Variants in PCDHGA1 observed in about 807,000 individuals in gnomAD.
PCDHGA1 encodes protocadherin gamma-A1.
In PCDHGA1, 32 loss-of-function variants were observed where a neutral mutation model predicts 58.0. The ratio of observed to expected loss-of-function variants is 0.55; its 90% confidence interval spans 0.42 to 0.74. The LOEUF (loss-of-function observed/expected upper bound fraction) is 0.74, where lower values mean the gene tolerates loss of function less well. PCDHGA1 is among the 30% of genes least tolerant of loss of function. The probability of loss-of-function intolerance (pLI) is 0.00; values close to 1 mark genes in which losing one functional copy is unlikely to be tolerated. For missense variants in PCDHGA1, 1,205 were observed against 1,182.3 expected (o/e 1.02, Z -0.28); for synonymous variants, 498 against 501.1 (o/e 0.99, Z 0.08).
rs368940925 is a variant in PCDHGA1, at chr5:141,360,407, A to G, written c.2421+27302A>G. On this transcript the variant is annotated intron_variant, in intron 1 of 3. Transcript: ENST00000517417. ...GACTTACTTGTGAGTGACAGAATAG[A>G]CCGAGAACAGATATGCGGGAAGCAG... is the stretch of plus-strand genomic sequence containing the variant. 1.3e-4 allele frequency: 215 copies of G among 1,613,834 alleles called. No individual in the cohort carries two copies. Among genetic ancestry groups the G allele is most frequent in the Non-Finnish European group, 1.7e-4 (205 of 1,179,876 alleles).
intron 1 of PCDHGA1, chr5:141,414,088 A>T: frequency 6.3e-7 from 1 of 1,599,384 alleles, no homozygotes; most frequent in African/African-American, 1.3e-5. Context: ...TACTGGAGAA[A>T]TAAAAATATC....
chr5:141,380,753 C>T (rs976627974), intron 1 of PCDHGA1, among the ~76,000 whole-genome samples: 2 of 152,104 alleles, frequency 1.3e-5, no homozygotes, highest in Non-Finnish European at 2.9e-5. Context: ...GGTACCAAGA[C>T]ACTATAAATT....
At chr5:141,384,071 C>G in intron 1 of PCDHGA1, 2 of 1,603,192 alleles carry the variant, frequency 1.2e-6, no homozygotes, top group Non-Finnish European at 1.7e-6. Flanking sequence ...GAAAACCTAC[C>G]TTTTAAATTA....
Position 141,489,407 on chromosome 5 carries a change from T to C in PCDHGA1, c.2422-5400T>C. On this transcript the variant is annotated intron_variant, in intron 1 of 3. Transcript: ENST00000517417. This position sits in a 1 kb window ranked among gnomAD's most constrained non-coding sequence, Gnocchi z 4.5. ...GTTGCTCAGGATCTGGGCTTAAAGA[T>C]GACAGATCTGTTGAGCCGGCGGCTG... 6.2e-7 allele frequency: 1 copy of C among 1,614,140 alleles called. No individual in the cohort carries two copies.
In PCDHGA1 at chr5:141,399,858, T is replaced by G. The variant is rs1003401029; in HGVS notation, c.2421+66753T>G. On this transcript the variant is annotated intron_variant, in intron 1 of 3. Transcript: ENST00000517417. The stretch of plus-strand genomic sequence containing the variant: ...CGCTCTTCGATATGGTGCCGCGCGC[T>G]GCAGAGCCCGGCTACCTGGTGACCA... The G allele has an allele frequency of 3.7e-6, 6 of 1,612,764 alleles. No individual in the cohort carries two copies. In the African/African-American group the frequency reaches 6.7e-5, roughly 18 times the overall value.
chr5:141,449,688 T>G (rs951233495), intron 1 of PCDHGA1, among the ~76,000 whole-genome samples: 2 of 151,772 alleles, frequency 1.3e-5, no homozygotes, highest in African/African-American at 4.8e-5. Context: ...TATGTTTGTG[T>G]GTATGTACAC....
At chr5:141,339,078 G>A in intron 1 of PCDHGA1, 2 of 1,614,182 alleles carry the variant, frequency 1.2e-6, no homozygotes, top group Non-Finnish European at 1.7e-6. Flanking sequence ...TATTCTGTGC[G>A]GGAAGAGATC....
intron 1 of PCDHGA1, chr5:141,409,464 C>G (rs1185218827): frequency 1.9e-6 from 3 of 1,613,940 alleles, no homozygotes; most frequent in Non-Finnish European, 1.7e-6. Context: ...TACAATGTCA[C>G]CATCGTAGCC....
chr5:141,355,941 C>G (rs780585950), intron 1 of PCDHGA1: 94 of 1,613,750 alleles, frequency 5.8e-5, no homozygotes, highest in Non-Finnish European at 1.7e-6. Context: ...AGCCCGAGTA[C>G]CACGTAAGTG....
chr5:141,384,139 A>G (rs1561600498), intron 1 of PCDHGA1: 1 of 1,612,786 alleles, frequency 6.2e-7, no homozygotes. Context: ...GGACCGGGAA[A>G]CACTCTCTTT....
chr5:141,394,588 T>C, intron 1 of PCDHGA1: 5 of 1,613,660 alleles, frequency 3.1e-6, no homozygotes, highest in Non-Finnish European at 4.2e-6. Flanking sequence ...ACCAAGGTGG[T>C]GGCGGTGGAC....
chr5:141,394,915 CCT>C, intron 1 of PCDHGA1: 1 of 1,613,774 alleles, frequency 6.2e-7, no homozygotes, highest in South Asian at 1.1e-5. Flanking sequence ...GCTGCCATCT[CCT>C]GTGTCTTCCT....
intron 1 of PCDHGA1, among the ~76,000 whole-genome samples, chr5:141,380,453 A>T (rs1776506198): frequency 6.6e-6 from 1 of 152,216 alleles, no homozygotes; most frequent in Non-Finnish European, 1.5e-5. Context: ...TTTTAATGCA[A>T]CCAAACAAAT....
In PCDHGA1 at chr5:141,432,002, G is replaced by A. The variant is rs781525225; in HGVS notation, c.2422-62805G>A. On this transcript the variant is annotated intron_variant, in intron 1 of 3. Transcript: ENST00000517417. This position sits in a 1 kb window ranked among gnomAD's most constrained non-coding sequence, Gnocchi z 6.0. ...AGACATAGTCTTGGATAGGGAACAG[G>A]TTCCTAGCTACAACATCACAGTGAC... The A allele has an allele frequency of 1.9e-6, 3 of 1,614,186 alleles. No homozygotes were observed. In the South Asian group the frequency reaches 3.3e-5, roughly 18 times the overall value.
intron 1 of PCDHGA1, chr5:141,408,283 C>G (rs62378453): frequency 0.09 from 144,952 of 1,612,732 alleles, 7,152 homozygotes; most frequent in African/African-American, 0.18. Flanking sequence ...TGTTCTACCC[C>G]ACCCTGAGTG....
chr5:141,490,229 T>C lies in PCDHGA1; in HGVS notation c.2422-4578T>C. The C allele has an allele frequency of 6.2e-7, 1 of 1,614,198 alleles. No individual in the cohort carries two copies. Among genetic ancestry groups the C allele is most frequent in the Non-Finnish European group, 8.5e-7 (1 of 1,180,034 alleles). On this transcript the variant is annotated intron_variant, in intron 1 of 3. Coordinates refer to ENST00000517417, the MANE Select transcript of PCDHGA1 (RefSeq NM_018912.3). The surrounding 1 kb of genome is among the most constrained non-coding windows in gnomAD (Gnocchi z 5.4). ...GCCCGTGACCAGGGACAGCCTGCCA[T>C]GGAGGGCCACTGTGTGATTCAAGTG... is the stretch of plus-strand genomic sequence containing the variant.
intron 1 of PCDHGA1, among the ~76,000 whole-genome samples, chr5:141,461,314 T>A (rs1453512629): frequency 6.6e-6 from 1 of 152,198 alleles, no homozygotes; most frequent in Non-Finnish European, 1.5e-5. Context: ...TTTTTTGACT[T>A]TTTAATAATG....
chr5:141,374,215 C>A (rs770866531), intron 1 of PCDHGA1: 22 of 1,613,838 alleles, frequency 1.4e-5, no homozygotes, highest in South Asian at 8.8e-5. Context: ...AAGGCTCCTT[C>A]GTAGGCAACA....
At position 141,350,686 on chromosome 5, in the gene PCDHGA1, A is replaced by G. The variant is rs1377693392; in HGVS notation, c.2421+17581A>G. On this transcript the variant is annotated intron_variant, in intron 1 of 3. Coordinates refer to ENST00000517417, the MANE Select transcript of PCDHGA1 (RefSeq NM_018912.3). ...GCATTGACTTAGAAATTTGTGAGTC[A>G]GCCTTACCCGGGGTAAAATTCTCTC... The G allele has an allele frequency of 1.1e-5, 18 of 1,613,904 alleles. No homozygotes were observed. In the East Asian group the frequency reaches 1.6e-4, roughly 14 times the overall value.
Sources: allele counts gnomAD v4.1 joint callset (sites outside exome capture counted in the v4.1 genomes callset), GRCh38; gene constraint gnomAD v4.1.1; non-coding constraint Gnocchi (gnomAD v3.1); transcripts MANE v1.5; gene names NCBI Gene and HGNC (gene_info 2026-07-23, HGNC 2026-07-21).